The following LARGE1 variants were observed in gnomAD, a reference collection of about 807,000 sequenced individuals.
LARGE1 encodes xylosyl- and glucuronyltransferase LARGE1.
A neutral mutation model predicts 87.6 loss-of-function variants in LARGE1; 43 were observed. That is an observed-to-expected ratio of 0.49 (90% CI 0.38 to 0.63). The LOEUF (loss-of-function observed/expected upper bound fraction) is 0.63, where lower values mean the gene tolerates loss of function less well. LARGE1 is among the 30% of genes least tolerant of loss of function. The probability of loss-of-function intolerance (pLI) is 0.00; values close to 1 mark genes in which losing one functional copy is unlikely to be tolerated. For synonymous variants in LARGE1, 434 were observed against 394.6 expected (o/e 1.10, Z -1.18); for missense variants, 802 against 1,000.2 (o/e 0.80, Z 2.67).
intron 10 of LARGE1, among the ~76,000 whole-genome samples, chr22:33,330,414 C>T (rs991863470): frequency 6.6e-6 from 1 of 152,100 alleles, no homozygotes; most frequent in African/African-American, 2.4e-5. Flanking sequence ...CCTTAAACTT[C>T]TGGGCTCAAA....
At chr22:33,219,710 T>C (rs5998818) in intron 11 of LARGE1, among the ~76,000 whole-genome samples, 4,024 of 152,168 alleles carry the variant, frequency 0.026, 177 homozygotes, top group African/African-American at 0.089. Context: ...GTCAGAAAGG[T>C]GTTCAACCAT....
At chr22:33,152,704 T>A in the LARGE1 span, among the ~76,000 whole-genome samples, 3 of 152,102 alleles carry the variant, frequency 2.0e-5, no homozygotes, top group Admixed American at 1.3e-4. Context: ...ATTTAATAAT[T>A]TCTTGGTTAT....
intron 7 of LARGE1, among the ~76,000 whole-genome samples, chr22:33,394,756 T>C (rs2065667194): frequency 6.6e-6 from 1 of 151,542 alleles, no homozygotes; most frequent in South Asian, 2.1e-4. Flanking sequence ...TGTGTGTGTG[T>C]ATCTACATGC....
intron 7 of LARGE1, among the ~76,000 whole-genome samples, chr22:33,426,489 G>A (rs1341464931): frequency 6.6e-6 from 1 of 152,162 alleles, no homozygotes; most frequent in Admixed American, 6.5e-5. Flanking sequence ...ACTTAGCCAG[G>A]GTCCCAGAAT....
At chr22:33,437,565 A>T (rs5754550) in intron 6 of LARGE1, among the ~76,000 whole-genome samples, 1 of 152,168 alleles carries the variant, frequency 6.6e-6, no homozygotes. Flanking sequence ...GAAATAGTAA[A>T]GCGTTCAGTA....
At chr22:33,747,604 T>C (rs2084137849) in intron 2 of LARGE1, 1 of 152,354 alleles carries the variant, frequency 6.6e-6, no homozygotes, top group Non-Finnish European at 1.5e-5. Flanking sequence ...TATTTTTCTT[T>C]GTTGCACTTA....
At chr22:33,805,268 C>G (rs73170600) in intron 1 of LARGE1, among the ~76,000 whole-genome samples, 3,177 of 152,208 alleles carry the variant, frequency 0.021, 56 homozygotes, top group Middle Eastern at 0.048. Flanking sequence ...ACCAGCATCT[C>G]CTGCTTGAAT....
At chr22:33,149,849 G>A in the LARGE1 span, among the ~76,000 whole-genome samples, 4 of 152,134 alleles carry the variant, frequency 2.6e-5, no homozygotes, top group Non-Finnish European at 4.4e-5. Context: ...TTGCATTTCA[G>A]AGCCAGCAAT....
At position 33,663,904 on chromosome 22, in the gene LARGE1, A is replaced by G. The variant is rs1036439277; in HGVS notation, c.107-13236T>C. 5.9e-5 allele frequency among the ~76,000 whole-genome samples: 9 copies of G among 152,288 alleles called. No individual in the cohort carries two copies. The East Asian group carries it at 1.7e-3, about 29-fold the overall frequency. On this transcript the variant is annotated intron_variant, in intron 2 of 14. Transcript: ENST00000397394. ...TGCATGTTTTGTCATTTGGTGAATT[A>G]CCATGGACCCTCCAACACCTGGCTC... is the stretch of plus-strand genomic sequence containing the variant.
chr22:33,343,588 C>A (rs1056997933), intron 9 of LARGE1, among the ~76,000 whole-genome samples: 4 of 152,148 alleles, frequency 2.6e-5, no homozygotes, highest in African/African-American at 7.2e-5. Context: ...CTCTCTCCTG[C>A]AGGGGTTGAA....
chr22:33,787,876 G>C (rs1243971449), intron 1 of LARGE1, among the ~76,000 whole-genome samples: 1 of 152,170 alleles, frequency 6.6e-6, no homozygotes, highest in East Asian at 1.9e-4. Flanking sequence ...GTGGTTCCCT[G>C]CTATTTATAG....
the LARGE1 span, among the ~76,000 whole-genome samples, chr22:33,112,417 C>T: frequency 3.9e-5 from 6 of 152,132 alleles, no homozygotes; most frequent in Non-Finnish European, 7.3e-5. Flanking sequence ...GCATATACAG[C>T]GCATAGCACA....
At chr22:33,347,129 A>G (rs778193543) in intron 9 of LARGE1, among the ~76,000 whole-genome samples, 2 of 152,104 alleles carry the variant, frequency 1.3e-5, no homozygotes, top group East Asian at 3.8e-4. Flanking sequence ...GCCACTGCAT[A>G]TTGAGTTTTC....
chr22:33,431,638 T>TA (rs1470275574), intron 7 of LARGE1, among the ~76,000 whole-genome samples: 1 of 152,188 alleles, frequency 6.6e-6, no homozygotes, highest in Non-Finnish European at 1.5e-5. Context: ...AATATGAAAT[T>TA]ACGTCACTTC....
intron 9 of LARGE1, among the ~76,000 whole-genome samples, chr22:33,375,019 C>G (rs1378001228): frequency 2.0e-5 from 3 of 152,178 alleles, no homozygotes. Context: ...ACTTTAAGAT[C>G]AATGGACTAA....
At chr22:33,490,390 G>A (rs998737528) in intron 6 of LARGE1, among the ~76,000 whole-genome samples, 11 of 152,104 alleles carry the variant, frequency 7.2e-5, no homozygotes, top group African/African-American at 2.7e-4. Context: ...GGACTGAGAT[G>A]TTATTTTAAT....
intron 11 of LARGE1, among the ~76,000 whole-genome samples, chr22:33,182,023 A>G (rs1923198264): frequency 6.6e-6 from 1 of 151,462 alleles, no homozygotes; most frequent in Non-Finnish European, 1.5e-5. Context: ...GGGTTTCACA[A>G]TCTGGCCAGG....
chr22:33,086,066 CAT>C, the LARGE1 span, among the ~76,000 whole-genome samples: 1 of 152,266 alleles, frequency 6.6e-6, no homozygotes, highest in Non-Finnish European at 1.5e-5. Flanking sequence ...CACCTGTGCA[CAT>C]GAGGCCTTTC....
At chr22:33,873,879 CTCT>C (rs1278155019) in intron 1 of LARGE1, among the ~76,000 whole-genome samples, 1 of 151,804 alleles carries the variant, frequency 6.6e-6, no homozygotes, top group Non-Finnish European at 1.5e-5. Flanking sequence ...CTTCCTCCAC[CTCT>C]TCTTCCTCCT....
Sources: gnomAD v4.1 joint callset for allele counts (sites outside exome capture counted in the v4.1 genomes callset) on GRCh38, gnomAD v4.1.1 for gene constraint, MANE v1.5 for transcripts, NCBI Gene and HGNC (gene_info 2026-07-23, HGNC 2026-07-21) for gene names.